Variants in LIMK1 observed in about 807,000 individuals in gnomAD.
LIMK1 encodes the protein LIM motif-containing protein kinase.
In LIMK1, 21 loss-of-function variants were observed where a neutral mutation model predicts 77.6. The observed-to-expected ratio is 0.27, with a 90% CI of 0.19 to 0.39. The LOEUF (loss-of-function observed/expected upper bound fraction) is 0.39, where lower values mean the gene tolerates loss of function less well. Ranked by LOEUF, LIMK1 falls within the 10% of genes least tolerant of loss-of-function variation. LIMK1 has a pLI of 1.00. For missense variants in LIMK1, 696 were observed against 901.6 expected, an observed-to-expected ratio of 0.77 and a Z score of 2.92; for synonymous variants, 358 against 370.0, an observed-to-expected ratio of 0.97 and a Z score of 0.37.
intron 2 of LIMK1, among the ~76,000 whole-genome samples, chr7:74,091,485 C>T (rs1489856013): frequency 2.0e-5 from 3 of 152,222 alleles, no homozygotes; most frequent in Non-Finnish European, 4.4e-5. Flanking sequence ...CCACTGCACT[C>T]TGGCCTGGGC....
At chr7:74,114,855 C>T (rs1272380560) in intron 12 of LIMK1, among the ~76,000 whole-genome samples, 1 of 147,528 alleles carries the variant, frequency 6.8e-6, no homozygotes, top group East Asian at 2.0e-4. Flanking sequence ...GCAGAGCTTG[C>T]AGTGAGCTGA....
At chr7:74,102,504 G>C (rs1304655205) in intron 5 of LIMK1, among the ~76,000 whole-genome samples, 1 of 7,412 alleles carries the variant, frequency 1.3e-4, no homozygotes, top group Non-Finnish European at 1.2e-3. Context: ...TTTTTTTTTG[G>C]AGACAGGGTA....
At chr7:74,111,810 G>T in intron 11 of LIMK1, 103 bp downstream of exon 11, 1 of 1,431,204 alleles carries the variant, frequency 7.0e-7, no homozygotes. Flanking sequence ...GTCGATGGGA[G>T]AGTGGGAAGA....
chr7:74,114,234 C>T (rs1554699018), intron 12 of LIMK1, among the ~76,000 whole-genome samples: 4 of 151,734 alleles, frequency 2.6e-5, no homozygotes, highest in Non-Finnish European at 5.9e-5. Context: ...GAGTGGGACT[C>T]CATCTCAAAA....
intron 13 of LIMK1, among the ~76,000 whole-genome samples, chr7:74,116,187 A>T (rs1277659896): frequency 6.6e-6 from 1 of 152,236 alleles, no homozygotes; most frequent in Admixed American, 6.5e-5. Context: ...TGAGGTCAGT[A>T]GTTGGAGACC....
chr7:74,107,804 T>TG (rs1799608237), intron 8 of LIMK1, 67 bp from the exon 9 acceptor site: 1 of 1,280,426 alleles, frequency 7.8e-7, no homozygotes. Flanking sequence ...GGGGTGGAGA[T>TG]GGGGCTTCCT....
At chr7:74,114,493 A>G (rs1178116653) in intron 12 of LIMK1, among the ~76,000 whole-genome samples, 2 of 150,072 alleles carry the variant, frequency 1.3e-5, no homozygotes, top group Admixed American at 6.7e-5. Context: ...TGAGGCTGCA[A>G]TGAGCTGTGT....
Position 74,112,630 on chromosome 7 carries a change from C to G in LIMK1, c.1410+632C>G, listed in dbSNP as rs113271429. On this transcript the variant is annotated intron_variant, in intron 12 of 15. Transcript: ENST00000336180. ...AGGAGTTCAAGACCAGCCTGGCCAA[C>G]ATGGCTAACACGGTGAAACCCCATC... 1.0e-3 allele frequency among the ~76,000 whole-genome samples: 158 copies of G among 152,172 alleles called. 1 individual carries two copies. The highest frequency in any genetic ancestry group is 3.7e-3 in the African/African-American group (152 of 41,512).
Position 74,111,971 on chromosome 7 carries a change from C to G in LIMK1, c.1383C>G (p.Leu461=). The change falls in exon 12 of 16, where the codon CTC becomes CTG. Residue 461 remains leucine (L), a synonymous_variant. Transcript: ENST00000336180. ...LHSMNIIHRD[L]NSHNCLVREN... is the part of the protein sequence containing the mutation. ...CCATGAACATCATCCACCGAGACCT[C>G]AACTCCCACAACTGCCTGGTCCGCG... 1 of 1,611,608 alleles carries G rather than the reference C, an allele frequency of 6.2e-7. No individual in the cohort carries two copies. Among genetic ancestry groups the G allele is most frequent in the Middle Eastern group, 1.7e-4 (1 of 6,056 alleles).
intron 7 of LIMK1, 135 bp from the exon 8 acceptor site, chr7:74,106,875 G>A (rs190136872): frequency 3.3e-4 from 286 of 862,030 alleles, no homozygotes; most frequent in African/African-American, 1.6e-3. Context: ...TGTCCCAGGC[G>A]GGCCCTCCCA....
rs912256076 is a variant in LIMK1 at position 74,122,145 on chromosome 7, G to C, written c.*844G>C. On this transcript the variant is annotated 3_prime_UTR_variant, in exon 16 of 16. Coordinates refer to ENST00000336180, the MANE Select transcript of LIMK1 (RefSeq NM_002314.4). ...TGCAGTCATCTCAGAGCCCCTTCCC[G>C]GGCCTCTCCCCCAAGGCTCCCTGCC... 6.5e-6 allele frequency: 1 copy of C among 152,682 alleles called. No homozygotes were observed. The highest frequency in any genetic ancestry group is 1.5e-5 in the Non-Finnish European group (1 of 68,130). 9.5% of individuals were successfully genotyped at this position (152,682 alleles called of 1,614,324 possible). A position where few individuals can be genotyped will look rare whatever the true frequency, so the allele number is the denominator to read the frequency against.
chr7:74,087,353 A>G (rs974628356), intron 2 of LIMK1, among the ~76,000 whole-genome samples: 1 of 152,078 alleles, frequency 6.6e-6, no homozygotes, highest in African/African-American at 2.4e-5. Context: ...GCAGTGAGCT[A>G]TGATCGCACC....
chr7:74,118,425 C>CACAA (rs1491113847), intron 13 of LIMK1, among the ~76,000 whole-genome samples: 1 of 134,444 alleles, frequency 7.4e-6, no homozygotes, highest in Non-Finnish European at 1.6e-5. Flanking sequence ...CACACACACA[C>CACAA]AGAGTTAACA....
At position 74,108,889 on chromosome 7, in the gene LIMK1, G is replaced by C; in HGVS notation, c.1153-16G>C. ...ACCACACAGAGCCCGGGCCCAGCCT[G>C]TTTGTGCCCCGCCAGGTGAAGGTCA... On this transcript the variant is annotated splice_polypyrimidine_tract_variant and intron_variant, in intron 9 of 15. Coordinates refer to ENST00000336180, the MANE Select transcript of LIMK1 (RefSeq NM_002314.4). 1.2e-6 allele frequency: 2 copies of C among 1,611,834 alleles called. No homozygotes were observed. The highest frequency in any genetic ancestry group is 1.7e-6 in the Non-Finnish European group (2 of 1,178,622).
At chr7:74,108,053 T>G (rs1425558864) in intron 9 of LIMK1, 96 bp downstream of exon 9, 1 of 896,628 alleles carries the variant, frequency 1.1e-6, no homozygotes, top group Non-Finnish European at 1.8e-6. Context: ...TGGGAACCAT[T>G]GAAAGAAGAG....
chr7:74,084,013 G>T lies in LIMK1; in HGVS notation c.23G>T (p.Cys8Phe). 2 of 1,480,776 alleles carry T rather than the reference G, an allele frequency of 1.4e-6. No individual in the cohort carries two copies. The highest frequency in any genetic ancestry group is 9.0e-7 in the Non-Finnish European group (1 of 1,108,428). The allele number at this position is 1,480,776 out of a possible 1,614,324, so 91.7% of individuals were successfully genotyped here. Reference sequence around the variant, plus strand: ...TGCATGAGGTTGACGCTACTTTGTTGCACCTGGAGGGAAGAACGTATGGGA... The same window carrying T: ...TGCATGAGGTTGACGCTACTTTGTTTCACCTGGAGGGAAGAACGTATGGGA... MRLTLLC[C>F]TWREERMGEE... The change falls in exon 1 of 16, where the codon TGC (cysteine) becomes TTC (phenylalanine). Residue 8 changes from cysteine to phenylalanine, a missense_variant. Around this residue, in one of 3 missense-constraint regions of LIMK1, gnomAD observed 252 missense variants for 279.4 expected, o/e 0.90. Transcript: ENST00000336180.
chr7:74,090,834 T>C (rs1401382623), intron 2 of LIMK1, among the ~76,000 whole-genome samples: 1 of 152,178 alleles, frequency 6.6e-6, no homozygotes, highest in African/African-American at 2.4e-5. Context: ...GGTCCCTGAG[T>C]CAGTCACTTG....
intron 13 of LIMK1, 70 bp from the exon 14 acceptor site, chr7:74,120,513 G>A: frequency 1.3e-6 from 2 of 1,557,032 alleles, no homozygotes; most frequent in Admixed American, 1.7e-5. Context: ...CAGCTGGCCT[G>A]GTCCCCTGCC....
intron 2 of LIMK1, among the ~76,000 whole-genome samples, chr7:74,087,837 G>A (rs1393986584): frequency 3.9e-5 from 6 of 152,042 alleles, no homozygotes; most frequent in South Asian, 2.1e-4. Context: ...TGATCTGCCC[G>A]CCTCAGCCTC....
Sources: gnomAD v4.1 joint callset for allele counts (sites outside exome capture counted in the v4.1 genomes callset) on GRCh38, gnomAD v4.1.1 for gene constraint, gnomAD v4.1.1 regional missense constraint, MANE v1.5 for transcripts, NCBI Gene and HGNC (gene_info 2026-07-23, HGNC 2026-07-21) for gene names.